SLC2A13: variants seen among roughly 807,000 people sequenced by gnomAD.
SLC2A13 encodes the protein solute carrier family 2 member 13, also known as proton myo-inositol cotransporter.
SLC2A13 carries 32 observed loss-of-function variants against 64.4 expected under a neutral mutation model. The ratio of observed to expected loss-of-function variants is 0.50; its 90% confidence interval spans 0.37 to 0.67. SLC2A13 has a LOEUF of 0.67. Ranked by LOEUF, SLC2A13 falls within the 30% of genes least tolerant of loss-of-function variation. The pLI is 0.00. For missense variants in SLC2A13, 743 were observed against 829.2 expected (o/e 0.90, Z 1.28); for synonymous variants, 338 against 327.1 (o/e 1.03, Z -0.36).
At chr12:40,028,601 T>C in intron 2 of SLC2A13, 92 bp from the exon 3 acceptor site, 7 of 1,216,594 alleles carry the variant, frequency 5.8e-6, no homozygotes, top group Non-Finnish European at 8.0e-6. Context: ...ACAACAATAA[T>C]ACTTACTGTG....
rs10695272 is a variant in SLC2A13, at chr12:39,797,740, A to ACATACGCG, written c.1445+32362_1445+32363insCGCGTATG. ...CCAGTTATGGTAAACACACACACACACACACACACACACACACACACACAC... is the reference window on the plus strand; with the variant it reads ...CCAGTTATGGTAAACACACACACACACATACGCGCACACACACACACACACACACACAC... On this transcript the variant is annotated intron_variant, in intron 7 of 9. Transcript: ENST00000280871. 1.1e-3 allele frequency among the ~76,000 whole-genome samples: 139 copies of ACATACGCG among 131,474 alleles called. 2 individuals are homozygous for ACATACGCG. Among genetic ancestry groups the ACATACGCG allele is most frequent in the Admixed American group, 2.2e-3 (30 of 13,500 alleles). 86.3% of individuals were successfully genotyped at this position (131,474 alleles called of 152,430 possible).
At position 39,967,746 on chromosome 12, in the gene SLC2A13, T is replaced by TAA. The variant is rs200257273; in HGVS notation, c.926-16382_926-16381insTT. ...CTCATTTACTTCATTGTCATATATA[T>TAA]CCATTTGGCCTTTTAATGAAAGGAG... On this transcript the variant is annotated intron_variant, in intron 3 of 9. Coordinates refer to ENST00000280871, the MANE Select transcript of SLC2A13 (RefSeq NM_052885.4). Among the ~76,000 whole-genome samples the TAA allele has an allele frequency of 8.9e-4, 136 of 152,304 alleles. No homozygotes were observed. In the East Asian group the frequency reaches 0.014, roughly 16 times the overall value.
At chr12:39,805,724 G>C (rs1207577698) in intron 7 of SLC2A13, among the ~76,000 whole-genome samples, 1 of 152,160 alleles carries the variant, frequency 6.6e-6, no homozygotes. Context: ...GGGAGTTGGA[G>C]GAGGGGCACT....
chr12:39,792,848 G>T (rs555083922), intron 7 of SLC2A13, among the ~76,000 whole-genome samples: 44 of 150,480 alleles, frequency 2.9e-4, no homozygotes, highest in African/African-American at 1.0e-3. Context: ...AGTTCAAACC[G>T]ATATTGTTCT....
chr12:40,071,956 C>T (rs1278724981), intron 1 of SLC2A13, among the ~76,000 whole-genome samples: 1 of 152,000 alleles, frequency 6.6e-6, no homozygotes, highest in African/African-American at 2.4e-5. Context: ...TTATCTTCTG[C>T]CTACCTTGGA....
chr12:39,878,174 T>C lies in SLC2A13; in HGVS notation c.1035-6213A>G, dbSNP rs938241259. On this transcript the variant is annotated intron_variant, in intron 4 of 9. Coordinates refer to ENST00000280871, the MANE Select transcript of SLC2A13 (RefSeq NM_052885.4). ...TCTTTTCTTCATAAATTACCAACTCTCAGGTATTTATTTATAGCAATGCAA... is the reference window on the plus strand; with the variant it reads ...TCTTTTCTTCATAAATTACCAACTCCCAGGTATTTATTTATAGCAATGCAA... Among the ~76,000 whole-genome samples, 8 of 152,298 alleles carry C rather than the reference T, an allele frequency of 5.3e-5. No individual in the cohort carries two copies. In the East Asian group the frequency reaches 1.5e-3, roughly 29 times the overall value.
chr12:40,050,716 T>G (rs1948240908), intron 1 of SLC2A13, among the ~76,000 whole-genome samples: 1 of 152,196 alleles, frequency 6.6e-6, no homozygotes, highest in Non-Finnish European at 1.5e-5. Flanking sequence ...AGCAAGATTC[T>G]AAAACCCAAT....
At position 40,077,784 on chromosome 12, in the gene SLC2A13, C is replaced by T. The variant is rs190044211; in HGVS notation, c.556+27469G>A. On this transcript the variant is annotated intron_variant, in intron 1 of 9. Coordinates refer to ENST00000280871, the MANE Select transcript of SLC2A13 (RefSeq NM_052885.4). Reference sequence around the variant, plus strand: ...AATATTAACTTTTCCTATCCATGAACATGGAATGTTTTTCCATTTGTTTGT... The same window carrying T: ...AATATTAACTTTTCCTATCCATGAATATGGAATGTTTTTCCATTTGTTTGT... Among the ~76,000 whole-genome samples the T allele has an allele frequency of 6.2e-4, 94 of 152,020 alleles. 2 individuals are homozygous for T. The highest frequency in any genetic ancestry group is 6.6e-4 in the Admixed American group (10 of 15,144).
chr12:40,032,910 GA>G (rs2136221294), intron 2 of SLC2A13, among the ~76,000 whole-genome samples: 1 of 152,322 alleles, frequency 6.6e-6, no homozygotes, highest in Non-Finnish European at 1.5e-5. Context: ...GAGGTGTGAT[GA>G]TTATGTTCCA....
At chr12:39,980,176 C>G (rs1338531599) in intron 3 of SLC2A13, among the ~76,000 whole-genome samples, 1 of 151,452 alleles carries the variant, frequency 6.6e-6, no homozygotes, top group Non-Finnish European at 1.5e-5. Flanking sequence ...GAAGGAAGCG[C>G]TAAACATGGA....
chr12:40,032,149 TA>T (rs756656985), intron 2 of SLC2A13, among the ~76,000 whole-genome samples: 4 of 152,132 alleles, frequency 2.6e-5, no homozygotes, highest in Non-Finnish European at 4.4e-5. Context: ...GTTGTTTTAT[TA>T]AAAGCTCTCC....
chr12:40,030,259 C>T (rs1039840764), intron 2 of SLC2A13, among the ~76,000 whole-genome samples: 3 of 152,106 alleles, frequency 2.0e-5, no homozygotes, highest in African/African-American at 7.2e-5. Flanking sequence ...TGGAAGAGTC[C>T]TCGGATGAGA....
At chr12:40,027,530 T>C (rs1361188838) in intron 3 of SLC2A13, among the ~76,000 whole-genome samples, 1 of 152,204 alleles carries the variant, frequency 6.6e-6, no homozygotes. Flanking sequence ...TAGGAGAAAG[T>C]AGACTGGACA....
At position 39,797,102 on chromosome 12, in the gene SLC2A13, G is replaced by GT. The variant is rs147932414; in HGVS notation, c.1446-32245dup. On this transcript the variant is annotated intron_variant, in intron 7 of 9. Transcript: ENST00000280871. ...ACCCGATAATGGAAACTATTCAACA[G>GT]TAAGTACTGGTTAATGAAAACTATT... 2.8e-3 allele frequency among the ~76,000 whole-genome samples: 420 copies of GT among 152,222 alleles called. 1 individual carries two copies. The highest frequency in any genetic ancestry group is 9.8e-3 in the African/African-American group (408 of 41,530).
chr12:39,779,681 T>C lies in SLC2A13; in HGVS notation c.1446-14823A>G, dbSNP rs895078558. Among the ~76,000 whole-genome samples, 16 of 152,376 alleles carry C rather than the reference T, an allele frequency of 1.1e-4. No individual in the cohort carries two copies. In the East Asian group the frequency reaches 3.1e-3, roughly 29 times the overall value. On this transcript the variant is annotated intron_variant, in intron 7 of 9. Transcript: ENST00000280871. ...GACATATATTTGCTGTTGAAATTTC[T>C]TGACCTCTAAGAAATCTATGTCTAT...
At chr12:39,987,453 T>C (rs936011077) in intron 3 of SLC2A13, among the ~76,000 whole-genome samples, 2 of 152,172 alleles carry the variant, frequency 1.3e-5, no homozygotes, top group Non-Finnish European at 2.9e-5. Flanking sequence ...ATGAAATGTG[T>C]CAAAAGCAAA....
At chr12:39,833,102 A>G (rs966911966) in intron 6 of SLC2A13, among the ~76,000 whole-genome samples, 1 of 152,132 alleles carries the variant, frequency 6.6e-6, no homozygotes, top group African/African-American at 2.4e-5. Context: ...TCAGCAAACT[A>G]CAACTGTTGA....
intron 3 of SLC2A13, among the ~76,000 whole-genome samples, chr12:39,995,943 C>A (rs1219420253): frequency 6.6e-6 from 1 of 152,192 alleles, no homozygotes; most frequent in Non-Finnish European, 1.5e-5. Context: ...ACTGTAAGTC[C>A]ACTAAACCTC....
intron 6 of SLC2A13, among the ~76,000 whole-genome samples, chr12:39,854,939 C>T (rs143922693): frequency 1.1e-4 from 17 of 152,280 alleles, no homozygotes; most frequent in African/African-American, 3.8e-4. Context: ...TCCTCTGTGA[C>T]GGGTCCTTAA....
Sources: allele counts gnomAD v4.1 joint callset (sites outside exome capture counted in the v4.1 genomes callset), GRCh38; gene constraint gnomAD v4.1.1; transcripts MANE v1.5; gene names NCBI Gene and HGNC (gene_info 2026-07-23, HGNC 2026-07-21).